TYW1B: variants seen among roughly 807,000 people sequenced by gnomAD.
The protein encoded by TYW1B is S-adenosyl-L-methionine-dependent tRNA 4-demethylwyosine synthase TYW1B.
TYW1B carries 73 observed loss-of-function variants against 86.9 expected under a neutral mutation model. The ratio of observed to expected loss-of-function variants is 0.84; its 90% CI spans 0.70 to 1.02. TYW1B has a LOEUF of 1.02. TYW1B is among the 50% of genes least tolerant of loss of function. The pLI is 0.00. For synonymous variants in TYW1B, 248 were observed against 292.8 expected, an observed-to-expected ratio of 0.85 and a Z score of 1.56; for missense variants, 637 against 827.4, an observed-to-expected ratio of 0.77 and a Z score of 2.82.
At chr7:72,711,335 T>A (rs34275353) in intron 10 of TYW1B, among the ~76,000 whole-genome samples, 1 of 152,156 alleles carries the variant, frequency 6.6e-6, no homozygotes, top group East Asian at 1.9e-4. Context: ...TGATAAACTC[T>A]CCCGCCCTGA....
intron 6 of TYW1B, among the ~76,000 whole-genome samples, chr7:72,777,945 A>T (rs572386437): frequency 4.2e-3 from 647 of 152,262 alleles, no homozygotes; most frequent in Non-Finnish European, 7.3e-3. Context: ...ATAATTTTTA[A>T]AAATTGTTTT....
intron 13 of TYW1B, among the ~76,000 whole-genome samples, chr7:72,615,144 A>G (rs1428025887): frequency 6.6e-6 from 1 of 152,248 alleles, no homozygotes; most frequent in African/African-American, 2.4e-5. Context: ...CAGGCATTCA[A>G]TAAACACTTG....
chr7:72,797,739 C>A (rs553235293), intron 6 of TYW1B, among the ~76,000 whole-genome samples: 4 of 152,176 alleles, frequency 2.6e-5, no homozygotes, highest in African/African-American at 4.8e-5. Context: ...AAACAAAAAA[C>A]AAACCTGCAA....
chr7:72,731,985 A>C (rs782199145), intron 8 of TYW1B, among the ~76,000 whole-genome samples: 4 of 152,174 alleles, frequency 2.6e-5, no homozygotes, highest in East Asian at 1.9e-4. Flanking sequence ...AAGAGTAGCT[A>C]TCCTTGTATA....
intron 7 of TYW1B, among the ~76,000 whole-genome samples, chr7:72,765,333 A>G (rs1336806005): frequency 6.6e-6 from 1 of 152,202 alleles, no homozygotes; most frequent in African/African-American, 2.4e-5. Flanking sequence ...TTCTTATTAC[A>G]GATTGTAGCC....
At chr7:72,712,073 TCATTTCCC>T (rs1439619960) in intron 10 of TYW1B, among the ~76,000 whole-genome samples, 2 of 151,876 alleles carry the variant, frequency 1.3e-5, no homozygotes, top group Non-Finnish European at 2.9e-5. Context: ...CAAAAACAGA[TCATTTCCC>T]CAGAGGCCCC....
In TYW1B at chr7:72,632,438, G is replaced by GTATATATATAAAATATATATATACA. The variant is rs1391327581; in HGVS notation, c.1507-3466_1507-3442dup. Among the ~76,000 whole-genome samples the GTATATATATAAAATATATATATACA allele has an allele frequency of 1.6e-3, 128 of 77,958 alleles. 1 individual carries two copies. The highest frequency in any genetic ancestry group is 2.4e-3 in the Non-Finnish European group (104 of 43,450). The allele number at this position is 77,958 out of a possible 152,430, so 51.1% of individuals were successfully genotyped here. A position where few individuals can be genotyped will look rare whatever the true frequency, so the allele number is the denominator to read the frequency against. On this transcript the variant is annotated intron_variant, in intron 11 of 13. Coordinates refer to ENST00000620995, the MANE Select transcript of TYW1B (RefSeq NM_001145440.3). ...ATATATATATAAAATATATATATAC[G>GTATATATATAAAATATATATATACA]TATATATATAAAATATATATATACA... is the stretch of plus-strand genomic sequence containing the variant.
chr7:72,790,213 TG>T lies in TYW1B; in HGVS notation c.846+12186del, dbSNP rs1208598451. Among the ~76,000 whole-genome samples, 4 of 152,102 alleles carry T rather than the reference TG, an allele frequency of 2.6e-5. No homozygotes were observed. In the East Asian group the frequency reaches 7.7e-4, roughly 29 times the overall value. On this transcript the variant is annotated intron_variant, in intron 6 of 13. Coordinates refer to ENST00000620995, the MANE Select transcript of TYW1B (RefSeq NM_001145440.3). ...CACCTGCCTCGGCCTCCCAAAATGC[TG>T]GGATGACAGGTGTGAGCCACTGTGC...
chr7:72,684,397 T>C (rs1413933803), intron 11 of TYW1B, among the ~76,000 whole-genome samples: 1 of 152,012 alleles, frequency 6.6e-6, no homozygotes, highest in African/African-American at 2.4e-5. Context: ...CCAGAAACCA[T>C]GCAAGCAAGG....
At chr7:72,627,170 G>A (rs1440603236) in intron 12 of TYW1B, among the ~76,000 whole-genome samples, 16 of 152,016 alleles carry the variant, frequency 1.1e-4, no homozygotes, top group South Asian at 4.1e-4. Context: ...TCTCAGGCCC[G>A]GCGCGGTAGT....
chr7:72,637,149 G>C (rs1554440869), intron 11 of TYW1B, among the ~76,000 whole-genome samples: 1 of 152,108 alleles, frequency 6.6e-6, no homozygotes, highest in East Asian at 1.9e-4. Flanking sequence ...CTGAACTAAT[G>C]AAGTGAGATG....
At chr7:72,688,561 A>G (rs1164925662) in intron 11 of TYW1B, among the ~76,000 whole-genome samples, 1 of 152,006 alleles carries the variant, frequency 6.6e-6, no homozygotes, top group East Asian at 1.9e-4. Flanking sequence ...TTCTTCCCAG[A>G]CTCACTCTCT....
At chr7:72,782,439 AC>A (rs1788064846) in intron 6 of TYW1B, among the ~76,000 whole-genome samples, 1 of 151,650 alleles carries the variant, frequency 6.6e-6, no homozygotes, top group African/African-American at 2.4e-5. Context: ...AAAATGCTAT[AC>A]AGTCGGAAAC....
At chr7:72,770,886 A>G (rs1787854981) in intron 7 of TYW1B, among the ~76,000 whole-genome samples, 2 of 151,870 alleles carry the variant, frequency 1.3e-5, no homozygotes, top group African/African-American at 4.8e-5. Context: ...CATCTCAAAA[A>G]TAGGTTGAGT....
intron 10 of TYW1B, among the ~76,000 whole-genome samples, chr7:72,707,625 G>A (rs1234681314): frequency 6.6e-6 from 1 of 152,138 alleles, no homozygotes; most frequent in Non-Finnish European, 1.5e-5. Flanking sequence ...GCTACTCAGA[G>A]AGCAAAAGCT....
intron 13 of TYW1B, among the ~76,000 whole-genome samples, chr7:72,614,705 A>C (rs1554436541): frequency 6.6e-6 from 1 of 152,162 alleles, no homozygotes; most frequent in Non-Finnish European, 1.5e-5. Flanking sequence ...GGATTTAAAA[A>C]TACACTTGGC....
At chr7:72,802,149 G>A (rs140915380) in intron 6 of TYW1B, among the ~76,000 whole-genome samples, 2,252 of 151,590 alleles carry the variant, frequency 0.015, 57 homozygotes, top group African/African-American at 0.05. Context: ...GGACACCCCC[G>A]ATCTACAATG....
chr7:72,737,943 T>G (rs35634184), intron 8 of TYW1B, among the ~76,000 whole-genome samples: 1 of 150,730 alleles, frequency 6.6e-6, no homozygotes, highest in Non-Finnish European at 1.5e-5. Flanking sequence ...CCCGGCTAAT[T>G]TTTTCTATTT....
intron 7 of TYW1B, among the ~76,000 whole-genome samples, chr7:72,746,844 A>G (rs2129571391): frequency 6.6e-6 from 1 of 152,316 alleles, no homozygotes; most frequent in Middle Eastern, 3.4e-3. Context: ...ATTTTTCAAA[A>G]GGACTCTCTA....
Sources: gnomAD v4.1 joint callset for allele counts (sites outside exome capture counted in the v4.1 genomes callset) on GRCh38, gnomAD v4.1.1 for gene constraint, MANE v1.5 for transcripts, NCBI Gene and HGNC (gene_info 2026-07-23, HGNC 2026-07-21) for gene names.